CRTC3: variants seen among roughly 807,000 people sequenced by gnomAD.
The protein encoded by CRTC3 is CREB-regulated transcription coactivator 3.
A neutral mutation model predicts 74.5 loss-of-function variants in CRTC3; 26 were observed. The observed-to-expected ratio is 0.35, with a 90% CI of 0.26 to 0.48. The LOEUF is 0.48. Ranked by LOEUF, CRTC3 falls within the 20% of genes least tolerant of loss-of-function variation. CRTC3 has a pLI of 0.99. For missense variants in CRTC3, 760 were observed against 787.3 expected (o/e 0.97, Z 0.41); for synonymous variants, 377 against 325.8 (o/e 1.16, Z -1.69).
intron 2 of CRTC3, among the ~76,000 whole-genome samples, chr15:90,577,599 A>C (rs1049937704): frequency 6.6e-6 from 1 of 152,222 alleles, no homozygotes; most frequent in African/African-American, 2.4e-5. Context: ...TGTTTATTGC[A>C]GCACTATTTA....
At chr15:90,625,527 A>G (rs1968802375) in intron 9 of CRTC3, among the ~76,000 whole-genome samples, 1 of 152,192 alleles carries the variant, frequency 6.6e-6, no homozygotes, top group Non-Finnish European at 1.5e-5. Context: ...TCCATAATCT[A>G]ATCTGGTCTT....
chr15:90,640,593 G>C (rs1192706217), intron 13 of CRTC3, among the ~76,000 whole-genome samples: 1 of 152,088 alleles, frequency 6.6e-6, no homozygotes, highest in African/African-American at 2.4e-5. Context: ...AAGGTGGACG[G>C]ATTGCTTGAG....
In CRTC3 at chr15:90,644,423, G is replaced by A. The variant is rs956289024; in HGVS notation, c.*2283G>A. ...ACATAGTGCCTTACCCATGGGTATC[G>A]TCATATCCGGGTCCCAGTTCAGTTT... On this transcript the variant is annotated 3_prime_UTR_variant, in exon 15 of 15. Transcript: ENST00000268184. 1.7e-5 allele frequency: 4 copies of A among 230,634 alleles called. No homozygotes were observed. Among genetic ancestry groups the A allele is most frequent in the South Asian group, 1.8e-4 (1 of 5,512 alleles). The allele number at this position is 230,634 out of a possible 1,614,324, so 14.3% of individuals were successfully genotyped here. A position where few individuals can be genotyped will look rare whatever the true frequency, so the allele number is the denominator to read the frequency against.
At chr15:90,594,852 G>A (rs535300110) in intron 3 of CRTC3, 1 of 152,340 alleles carries the variant, frequency 6.6e-6, no homozygotes, top group East Asian at 1.9e-4. Context: ...TCGCAGTGAT[G>A]AGGACCTTGT....
intron 4 of CRTC3, among the ~76,000 whole-genome samples, chr15:90,603,429 C>G (rs975446835): frequency 6.6e-6 from 1 of 151,002 alleles, no homozygotes; most frequent in Non-Finnish European, 1.5e-5. Context: ...GGTGACAGAG[C>G]GAGACTCCAT....
chr15:90,626,520 T>C (rs1968839277), intron 10 of CRTC3, among the ~76,000 whole-genome samples: 1 of 152,126 alleles, frequency 6.6e-6, no homozygotes, highest in Admixed American at 6.5e-5. Context: ...ATGCTACCCA[T>C]AATGGGACTT....
chr15:90,638,631 G>C lies in CRTC3; in HGVS notation c.1452G>C (p.Gln484His), dbSNP rs146754879. 6.2e-7 allele frequency: 1 copy of C among 1,613,584 alleles called. No homozygotes were observed. Among genetic ancestry groups the C allele is most frequent in the Non-Finnish European group, 8.5e-7 (1 of 1,179,998 alleles). Reference protein sequence around the residue: ...AASSLPQSDFQLLPAQGSSLT... With the variant: ...AASSLPQSDFHLLPAQGSSLT... Reference sequence around the variant, plus strand: ...CCTCACTGCCACAGTCAGACTTTCAGCTTCTCCCGGCCCAGGTGAGTTCTG... The same window carrying C: ...CCTCACTGCCACAGTCAGACTTTCACCTTCTCCCGGCCCAGGTGAGTTCTG... Residue 484 changes from glutamine (Q) to histidine (H), a missense_variant, in exon 12 of 15, where the codon CAG becomes CAC. Gln to His is a conservative substitution (Grantham distance 24). This residue lies in a region of CRTC3 where 652 missense variants were observed against 635.2 expected (regional missense o/e 1.03). Transcript: ENST00000268184.
chr15:90,538,844 G>A (rs767161265), intron 1 of CRTC3, among the ~76,000 whole-genome samples: 54 of 150,898 alleles, frequency 3.6e-4, no homozygotes, highest in African/African-American at 1.3e-3. Flanking sequence ...AAAGAGCATG[G>A]CAGAAATGGG....
At chr15:90,579,634 C>CTTTTTTTTTTTTTTTTT (rs146273285) in intron 2 of CRTC3, among the ~76,000 whole-genome samples, 1 of 84,198 alleles carries the variant, frequency 1.2e-5, no homozygotes, top group African/African-American at 4.7e-5. Flanking sequence ...ACGTATTTCA[C>CTTTTTTTTTTTTTTTTT]TTTTTTTTTT....
intron 9 of CRTC3, 83 bp from the exon 10 acceptor site, chr15:90,625,693 A>T: frequency 7.9e-7 from 1 of 1,267,012 alleles, no homozygotes; most frequent in Non-Finnish European, 1.1e-6. Flanking sequence ...CTCTTATTTG[A>T]CAAGGAAAAG....
At chr15:90,550,445 C>A (rs1340336396) in intron 2 of CRTC3, among the ~76,000 whole-genome samples, 27 of 61,366 alleles carry the variant, frequency 4.4e-4, no homozygotes, top group Admixed American at 2.2e-3. Context: ...TTTTCCTTTG[C>A]CTGTTTTTTT....
At chr15:90,565,184 G>A (rs1028241643) in intron 2 of CRTC3, among the ~76,000 whole-genome samples, 43 of 152,278 alleles carry the variant, frequency 2.8e-4, no homozygotes, top group African/African-American at 9.9e-4. Flanking sequence ...CCGACCTCAT[G>A]TGATCCACCC....
chr15:90,549,704 C>CTTT (rs11322295), intron 2 of CRTC3, among the ~76,000 whole-genome samples: 5 of 110,054 alleles, frequency 4.5e-5, no homozygotes, highest in African/African-American at 1.7e-4. Context: ...TATTCTTTTT[C>CTTT]TTTTTTTTTT....
intron 13 of CRTC3, 42 bp from the exon 14 acceptor site, chr15:90,641,055 A>G (rs1969421160): frequency 7.6e-7 from 1 of 1,310,486 alleles, no homozygotes; most frequent in East Asian, 2.3e-5. Context: ...CTCCTTGGAA[A>G]CAGAGGTGTG....
intron 2 of CRTC3, among the ~76,000 whole-genome samples, chr15:90,546,874 C>T (rs1017425689): frequency 1.7e-4 from 26 of 152,164 alleles, no homozygotes; most frequent in East Asian, 5.8e-4. Context: ...CCACCCGCCT[C>T]GGCCTCCCAG....
At chr15:90,532,334 C>T (rs1966641063) in intron 1 of CRTC3, among the ~76,000 whole-genome samples, 1 of 152,216 alleles carries the variant, frequency 6.6e-6, no homozygotes, top group South Asian at 2.1e-4. Flanking sequence ...AGATTCCCAG[C>T]ATGTCTATGA....
In CRTC3 at chr15:90,606,195, G is replaced by A. The variant is rs143433844; in HGVS notation, c.477-1183G>A. On this transcript the variant is annotated intron_variant, in intron 5 of 14. Transcript: ENST00000268184. ...CGCTTGAACCCGGGAGGCAGAGGTTGCAGTGAACACCACTGTACTGCAGCC... is the reference window on the plus strand; with the variant it reads ...CGCTTGAACCCGGGAGGCAGAGGTTACAGTGAACACCACTGTACTGCAGCC... Among the ~76,000 whole-genome samples the A allele has an allele frequency of 2.7e-3, 408 of 152,228 alleles. 1 individual carries two copies. Among genetic ancestry groups the A allele is most frequent in the African/African-American group, 8.3e-3 (345 of 41,516 alleles).
At chr15:90,592,553 G>T (rs374077565) in intron 2 of CRTC3, among the ~76,000 whole-genome samples, 1 of 152,110 alleles carries the variant, frequency 6.6e-6, no homozygotes, top group Non-Finnish European at 1.5e-5. Flanking sequence ...TGTTAAGAAC[G>T]TACCCCAAGC....
At chr15:90,600,653 C>G (rs1968044947) in intron 3 of CRTC3, 1 of 152,214 alleles carries the variant, frequency 6.6e-6, no homozygotes, top group Non-Finnish European at 1.5e-5. Flanking sequence ...ATATCTGCCT[C>G]TCAGGATTGA....
Sources: gnomAD v4.1 joint callset for allele counts (sites outside exome capture counted in the v4.1 genomes callset) on GRCh38, gnomAD v4.1.1 for gene constraint, gnomAD v4.1.1 regional missense constraint, MANE v1.5 for transcripts, NCBI Gene and HGNC (gene_info 2026-07-23, HGNC 2026-07-21) for gene names.